The following ME3 variants were observed in gnomAD, a reference collection of about 807,000 sequenced individuals.
ME3 encodes the protein NADP-dependent malic enzyme, mitochondrial.
ME3 carries 48 observed loss-of-function variants against 68.9 expected under a neutral mutation model. The observed-to-expected ratio is 0.70, with a 90% confidence interval of 0.55 to 0.89. The LOEUF (loss-of-function observed/expected upper bound fraction) is 0.89. Among genes scored for constraint, ME3 ranks in the 40% least tolerant of loss-of-function variants. The pLI is 0.00. For missense variants in ME3, 675 were observed against 797.4 expected, an observed-to-expected ratio of 0.85 and a Z score of 1.85; for synonymous variants, 320 against 318.8, an observed-to-expected ratio of 1.00 and a Z score of -0.04.
chr11:86,663,942 C>T (rs1946438024), intron 2 of ME3, among the ~76,000 whole-genome samples: 1 of 152,240 alleles, frequency 6.6e-6, no homozygotes, highest in Admixed American at 6.5e-5. Flanking sequence ...AGCGTTGCTG[C>T]TGACGTAATC....
intron 7 of ME3, among the ~76,000 whole-genome samples, chr11:86,472,704 G>A (rs528813586): frequency 6.6e-6 from 1 of 152,262 alleles, no homozygotes; most frequent in African/African-American, 2.4e-5. Context: ...TTGCAGTCCT[G>A]TTGTGCAAAT....
chr11:86,508,582 A>T (rs370739070), intron 5 of ME3, among the ~76,000 whole-genome samples: 1 of 152,192 alleles, frequency 6.6e-6, no homozygotes, highest in South Asian at 2.1e-4. Context: ...ACAATAATGA[A>T]GGGCAATGTC....
intron 6 of ME3, among the ~76,000 whole-genome samples, chr11:86,496,875 A>G (rs12417744): frequency 0.056 from 7,519 of 133,542 alleles, 211 homozygotes; most frequent in South Asian, 0.11. Context: ...TTTATTTTAT[A>G]AGTGCGTGGA....
At chr11:86,445,364 G>A (rs1158855412) in intron 13 of ME3, among the ~76,000 whole-genome samples, 2 of 152,232 alleles carry the variant, frequency 1.3e-5, no homozygotes, top group African/African-American at 4.8e-5. Flanking sequence ...CCTGGTGCAT[G>A]AGGTAGCTCC....
At position 86,568,186 on chromosome 11, in the gene ME3, C is replaced by T. The variant is rs77838903; in HGVS notation, c.184-8363G>A. On this transcript the variant is annotated intron_variant, in intron 2 of 14. Transcript: ENST00000543262. ...AACCTAATACCCTTGTGGAATTCAG[C>T]GAGGACATGCTGGTAGGGACCTGAC... 1.1e-3 allele frequency among the ~76,000 whole-genome samples: 169 copies of T among 152,258 alleles called. 1 individual carries two copies. In the East Asian group the frequency reaches 0.011, roughly 10 times the overall value.
chr11:86,526,095 G>A (rs1337238056), intron 4 of ME3, among the ~76,000 whole-genome samples: 2 of 152,224 alleles, frequency 1.3e-5, no homozygotes, highest in South Asian at 2.1e-4. Flanking sequence ...GAAGCACAAG[G>A]GGTCAGGGAG....
intron 2 of ME3, among the ~76,000 whole-genome samples, chr11:86,603,949 G>T (rs868682426): frequency 2.0e-5 from 2 of 101,254 alleles, no homozygotes; most frequent in Non-Finnish European, 3.7e-5. Context: ...CTGTTGTGGG[G>T]TGGGGGGAGG....
chr11:86,528,197 G>A (rs1199866899), intron 4 of ME3, among the ~76,000 whole-genome samples: 1 of 152,132 alleles, frequency 6.6e-6, no homozygotes, highest in Non-Finnish European at 1.5e-5. Flanking sequence ...AAAGGCAGGG[G>A]TTGCAATCCT....
chr11:86,497,679 A>G (rs1291839539), intron 6 of ME3, among the ~76,000 whole-genome samples: 2 of 152,130 alleles, frequency 1.3e-5, no homozygotes, highest in Non-Finnish European at 2.9e-5. Context: ...TCAGAGAGGA[A>G]GGAAGCCCAA....
Position 86,514,818 on chromosome 11 carries a change from A to G in ME3, c.468-5951T>C, listed in dbSNP as rs543997016. On this transcript the variant is annotated intron_variant, in intron 4 of 14. Transcript: ENST00000543262. ...GTGTCTGCTGGCCCATAGTAAATAC[A>G]TAACAAATGGTAGCTGTTAGTGTTG... 3.3e-4 allele frequency among the ~76,000 whole-genome samples: 50 copies of G among 152,366 alleles called. No homozygotes were observed. The South Asian group carries it at 9.9e-3, about 30-fold the overall frequency.
At chr11:86,576,761 T>A (rs1958141101) in intron 2 of ME3, among the ~76,000 whole-genome samples, 1 of 152,214 alleles carries the variant, frequency 6.6e-6, no homozygotes, top group Admixed American at 6.5e-5. Context: ...AGGGCTCACA[T>A]GTGCTTCTTC....
chr11:86,609,422 C>T (rs1942396244), intron 2 of ME3, among the ~76,000 whole-genome samples: 1 of 152,170 alleles, frequency 6.6e-6, no homozygotes, highest in Non-Finnish European at 1.5e-5. Flanking sequence ...TAGCCTGTGC[C>T]ATTTAATCTT....
chr11:86,468,387 T>C lies in ME3; in HGVS notation c.810-3187A>G, dbSNP rs527242913. ...TTTCCATCCATCCATCATTCATTTA[T>C]CCATCCATTCATCATCCATCCATCC... On this transcript the variant is annotated intron_variant, in intron 7 of 14. Transcript: ENST00000543262. Among the ~76,000 whole-genome samples, 29 of 152,142 alleles carry C rather than the reference T, an allele frequency of 1.9e-4. No homozygotes were observed. In the South Asian group the frequency reaches 5.6e-3, roughly 29 times the overall value.
At chr11:86,569,948 G>T (rs750384668) in intron 2 of ME3, among the ~76,000 whole-genome samples, 1 of 152,124 alleles carries the variant, frequency 6.6e-6, no homozygotes, top group Non-Finnish European at 1.5e-5. Context: ...GAGTTTTTTT[G>T]ATTAGGGATG....
chr11:86,563,554 T>G (rs1957339449), intron 2 of ME3, among the ~76,000 whole-genome samples: 1 of 152,148 alleles, frequency 6.6e-6, no homozygotes, highest in African/African-American at 2.4e-5. Flanking sequence ...ATTTCTTATG[T>G]TGTCTTTGAG....
chr11:86,642,469 T>G (rs1437807241), intron 2 of ME3, among the ~76,000 whole-genome samples: 1 of 152,198 alleles, frequency 6.6e-6, no homozygotes, highest in African/African-American at 2.4e-5. Context: ...AACCAGAGTG[T>G]TGCTTTATGA....
At chr11:86,667,759 G>T (rs1311203762) in intron 2 of ME3, 1 of 152,116 alleles carries the variant, frequency 6.6e-6, no homozygotes, top group African/African-American at 2.4e-5. Flanking sequence ...AGACACTATA[G>T]GTAAATGGAG....
chr11:86,503,650 A>G (rs576743344), intron 5 of ME3, among the ~76,000 whole-genome samples: 14 of 152,342 alleles, frequency 9.2e-5, no homozygotes, highest in African/African-American at 3.4e-4. Context: ...ACCTCTGACA[A>G]TGAGCACAGA....
intron 5 of ME3, among the ~76,000 whole-genome samples, chr11:86,499,545 C>T (rs1167366476): frequency 6.6e-6 from 1 of 152,188 alleles, no homozygotes; most frequent in Non-Finnish European, 1.5e-5. Context: ...GATGAAGACC[C>T]ATTCTTTCCC....
Sources: gnomAD v4.1 joint callset for allele counts (sites outside exome capture counted in the v4.1 genomes callset) on GRCh38, gnomAD v4.1.1 for gene constraint, MANE v1.5 for transcripts, NCBI Gene and HGNC (gene_info 2026-07-23, HGNC 2026-07-21) for gene names.